Variants in NEURL1 observed in about 807,000 individuals in gnomAD.
NEURL1 encodes E3 ubiquitin-protein ligase NEURL1.
A neutral mutation model predicts 41.2 loss-of-function variants in NEURL1; 26 were observed. The ratio of observed to expected loss-of-function variants is 0.63; its 90% CI spans 0.46 to 0.87. NEURL1 has a LOEUF of 0.87. Among genes scored for constraint, NEURL1 ranks in the 40% least tolerant of loss-of-function variants. The pLI is 0.00. For missense variants in NEURL1, 761 were observed against 871.1 expected, an observed-to-expected ratio of 0.87 and a Z score of 1.59; for synonymous variants, 400 against 402.3, an observed-to-expected ratio of 0.99 and a Z score of 0.07.
rs139340125 is a variant in NEURL1 at position 103,498,250 on chromosome 10, C to T, written c.85+3778C>T. On this transcript the variant is annotated intron_variant, in intron 1 of 5. Coordinates refer to ENST00000369780, the MANE Select transcript of NEURL1 (RefSeq NM_004210.5). ...CTCCTTTTATTTTTTATTTTTGAGA[C>T]GGAGTCTCGCTCTGTCGCCCAGGCT... Among the ~76,000 whole-genome samples, 1,356 of 152,272 alleles carry T rather than the reference C, an allele frequency of 8.9e-3. 14 individuals are homozygous for T. The highest frequency in any genetic ancestry group is 0.027 in the African/African-American group (1,131 of 41,542).
intron 1 of NEURL1, among the ~76,000 whole-genome samples, chr10:103,501,886 G>A (rs894007413): frequency 1.3e-5 from 2 of 151,986 alleles, no homozygotes; most frequent in African/African-American, 4.8e-5. Flanking sequence ...TGCCCGTCTC[G>A]GCCTCCCAAA....
At chr10:103,544,047 G>A (rs551103766) in intron 1 of NEURL1, among the ~76,000 whole-genome samples, 12 of 152,190 alleles carry the variant, frequency 7.9e-5, no homozygotes, top group Non-Finnish European at 1.6e-4. Context: ...AGGAGGTAGA[G>A]GGCTGAGTCG....
At chr10:103,555,554 G>T in intron 1 of NEURL1, 1 of 617,030 alleles carries the variant, frequency 1.6e-6, no homozygotes. Context: ...CTGTGTGGGG[G>T]CACCTTTTGG....
chr10:103,555,434 G>A, intron 1 of NEURL1: 2 of 1,353,560 alleles, frequency 1.5e-6, no homozygotes, highest in Non-Finnish European at 2.0e-6. Context: ...GCGGATGCCT[G>A]CGGGCCCGCC....
intron 1 of NEURL1, among the ~76,000 whole-genome samples, chr10:103,541,986 G>T (rs2034829881): frequency 6.6e-6 from 1 of 152,178 alleles, no homozygotes. Flanking sequence ...GGAGAAAGGA[G>T]AACGACCCCT....
rs1001052109 is a variant in NEURL1, at chr10:103,558,968, G to C, written c.86-11904G>C. 2.0e-5 allele frequency among the ~76,000 whole-genome samples: 3 copies of C among 152,096 alleles called. No homozygotes were observed. The highest frequency in any genetic ancestry group is 2.0e-4 in the Admixed American group (3 of 15,264). On this transcript the variant is annotated intron_variant, in intron 1 of 5. Transcript: ENST00000369780. The surrounding 1 kb of genome is among the most constrained non-coding windows in gnomAD (Gnocchi z 4.2). ...AGCCTGAGTGTCAGAGGATGCTGGC[G>C]TACAGGGACCCGAGACATTGGCTCC...
Position 103,571,724 on chromosome 10 carries a change from A to G in NEURL1, c.551A>G (p.Asp184Gly), listed in dbSNP as rs199583998. Reference sequence around the variant, plus strand: ...GGCCGTGTCTTCCACCGCATCAACGACTCGGCTGTTATGCTGTTCTTCAGC... The same window carrying G: ...GGCCGTGTCTTCCACCGCATCAACGGCTCGGCTGTTATGCTGTTCTTCAGC... ...KKGRVFHRIN[D>G]SAVMLFFSGV... The change falls in exon 3 of 6, where the codon GAC (aspartate) becomes GGC (glycine). Residue 184 changes from aspartate to glycine, a missense_variant. Coordinates refer to ENST00000369780, the MANE Select transcript of NEURL1 (RefSeq NM_004210.5). The G allele has an allele frequency of 6.2e-7, 1 of 1,614,040 alleles. No homozygotes were observed. Among genetic ancestry groups the G allele is most frequent in the South Asian group, 1.1e-5 (1 of 91,072 alleles).
At position 103,571,620 on chromosome 10, in the gene NEURL1, G is replaced by A; in HGVS notation, c.447G>A (p.Gln149=). 6.2e-7 allele frequency: 1 copy of A among 1,614,138 alleles called. No homozygotes were observed. Among genetic ancestry groups the A allele is most frequent in the East Asian group, 2.2e-5 (1 of 44,886 alleles). Residue 149 remains glutamine, a synonymous_variant, in exon 3 of 6, where the codon CAG becomes CAA. Coordinates refer to ENST00000369780, the MANE Select transcript of NEURL1 (RefSeq NM_004210.5). Reference sequence around the variant, plus strand: ...ACGCCTGCCCCGACCTGGTGTCCCAGAGTGGCTTCTGGGCCAAGGCGCTGC... The same window carrying A: ...ACGCCTGCCCCGACCTGGTGTCCCAAAGTGGCTTCTGGGCCAAGGCGCTGC... ...PKYACPDLVS[Q]SGFWAKALPE...
intron 1 of NEURL1, among the ~76,000 whole-genome samples, chr10:103,515,099 G>A (rs936854363): frequency 3.9e-5 from 6 of 151,996 alleles, no homozygotes; most frequent in Non-Finnish European, 7.4e-5. Flanking sequence ...GTGGTGATGG[G>A]CACCTGTAAT....
intron 1 of NEURL1, among the ~76,000 whole-genome samples, chr10:103,518,441 A>T (rs1345107343): frequency 1.3e-5 from 2 of 152,084 alleles, no homozygotes; most frequent in African/African-American, 4.8e-5. Context: ...TCTAAGTACT[A>T]GGATACAGCA....
chr10:103,500,698 T>C (rs2033803126), intron 1 of NEURL1, among the ~76,000 whole-genome samples: 1 of 152,240 alleles, frequency 6.6e-6, no homozygotes, highest in Admixed American at 6.5e-5. Context: ...TTAGACACTT[T>C]GGAGGAAACT....
intron 1 of NEURL1, among the ~76,000 whole-genome samples, chr10:103,533,737 C>T (rs558679443): frequency 3.3e-4 from 51 of 152,268 alleles, no homozygotes; most frequent in South Asian, 2.3e-3. Flanking sequence ...GGGGTTTCAC[C>T]GTGTTAGCCA....
At chr10:103,501,648 T>C (rs201711210) in intron 1 of NEURL1, among the ~76,000 whole-genome samples, 1 of 24,394 alleles carries the variant, frequency 4.1e-5, no homozygotes, top group South Asian at 2.6e-3. Flanking sequence ...TATTATTATT[T>C]TGAGACGGAG....
intron 1 of NEURL1, among the ~76,000 whole-genome samples, chr10:103,534,938 T>C (rs1027190985): frequency 6.6e-6 from 1 of 152,164 alleles, no homozygotes; most frequent in African/African-American, 2.4e-5. Context: ...GTGATTCTAC[T>C]GCTGGGAGGG....
Position 103,493,969 on chromosome 10 carries a change from TC to T in NEURL1, c.-418del, listed in dbSNP as rs1251947320. On this transcript the variant is annotated 5_prime_UTR_variant, in exon 1 of 6. Coordinates refer to ENST00000369780, the MANE Select transcript of NEURL1 (RefSeq NM_004210.5). ...CCGCGGGGCGGTAACCGAGCCTGCC[TC>T]GGAGCCGCCGAACGCCCACGCCAGC... 1 of 156,254 alleles carries T rather than the reference TC, an allele frequency of 6.4e-6. No individual in the cohort carries two copies. The highest frequency in any genetic ancestry group is 2.4e-5 in the African/African-American group (1 of 41,374). 9.7% of individuals were successfully genotyped at this position (156,254 alleles called of 1,614,324 possible).
chr10:103,589,160 G>A (rs1447591013), intron 4 of NEURL1, among the ~76,000 whole-genome samples: 9 of 152,056 alleles, frequency 5.9e-5, no homozygotes, highest in African/African-American at 1.2e-4. Flanking sequence ...TACATGCTCC[G>A]GCCCAGGAAG....
At chr10:103,573,852 C>T (rs546254375) in intron 3 of NEURL1, among the ~76,000 whole-genome samples, 1 of 152,230 alleles carries the variant, frequency 6.6e-6, no homozygotes, top group Non-Finnish European at 1.5e-5. Flanking sequence ...CCCAAAGCCC[C>T]CTCCCTCCCT....
chr10:103,553,150 G>A (rs1346671836), intron 1 of NEURL1, among the ~76,000 whole-genome samples: 1 of 152,194 alleles, frequency 6.6e-6, no homozygotes, highest in African/African-American at 2.4e-5. Flanking sequence ...AGCCTCCAAA[G>A]CATCTTCTTT....
In NEURL1 at chr10:103,589,530, C is replaced by A. The variant is rs149698804; in HGVS notation, c.1356C>A (p.Ala452=). ...QIRILGSTIL[A]ERGIPSLPCS... ...CTTTCACAGGCTCCACTATCCTGGC[C>A]GAGCGGGGTATCCCATCACTCCCCT... Residue 452 remains alanine, a synonymous_variant, in exon 5 of 6, where the codon GCC becomes GCA. Transcript: ENST00000369780. 15 of 1,611,612 alleles carry A rather than the reference C, an allele frequency of 9.3e-6. No individual in the cohort carries two copies. The highest frequency in any genetic ancestry group is 1.3e-5 in the Non-Finnish European group (15 of 1,178,644).
Sources: allele counts gnomAD v4.1 joint callset (sites outside exome capture counted in the v4.1 genomes callset), GRCh38; gene constraint gnomAD v4.1.1; non-coding constraint Gnocchi (gnomAD v3.1); transcripts MANE v1.5; gene names NCBI Gene and HGNC (gene_info 2026-07-23, HGNC 2026-07-21).